The following TBC1D22B variants were observed in gnomAD, a reference collection of about 807,000 sequenced individuals.
TBC1D22B encodes chromosome 6 open reading frame 197.
A neutral mutation model predicts 69.1 loss-of-function variants in TBC1D22B; 32 were observed. That is an observed-to-expected ratio of 0.46 (90% CI 0.35 to 0.62). The LOEUF is 0.62. Ranked by LOEUF, TBC1D22B falls within the 20% of genes least tolerant of loss-of-function variation. The probability of loss-of-function intolerance (pLI) is 0.00; values close to 1 mark genes in which losing one functional copy is unlikely to be tolerated. For synonymous variants in TBC1D22B, 206 were observed against 229.8 expected (o/e 0.90, Z 0.94); for missense variants, 462 against 630.9 (o/e 0.73, Z 2.87).
At chr6:37,262,741 G>A (rs1271629431) in intron 1 of TBC1D22B, among the ~76,000 whole-genome samples, 2 of 152,210 alleles carry the variant, frequency 1.3e-5, no homozygotes, top group Non-Finnish European at 2.9e-5. Flanking sequence ...TGGAGTGAGT[G>A]TGTGAACCTA....
At chr6:37,314,925 C>T (rs867835755) in intron 10 of TBC1D22B, among the ~76,000 whole-genome samples, 15 of 152,106 alleles carry the variant, frequency 9.9e-5, no homozygotes, top group African/African-American at 2.9e-4. Flanking sequence ...AGTTACTTCC[C>T]GTATGTCACA....
intron 10 of TBC1D22B, among the ~76,000 whole-genome samples, chr6:37,316,301 T>G (rs1768076660): frequency 6.6e-6 from 1 of 152,240 alleles, no homozygotes; most frequent in Admixed American, 6.5e-5. Context: ...CTGGCGGGGA[T>G]GCTGAAGAGG....
At chr6:37,292,170 A>T (rs943581674) in intron 8 of TBC1D22B, among the ~76,000 whole-genome samples, 1 of 152,198 alleles carries the variant, frequency 6.6e-6, no homozygotes, top group Admixed American at 6.5e-5. Context: ...AAGTTGTGAG[A>T]TTCTCTGTCT....
chr6:37,301,756 A>C (rs1767578832), intron 8 of TBC1D22B, among the ~76,000 whole-genome samples: 1 of 152,176 alleles, frequency 6.6e-6, no homozygotes. Flanking sequence ...CTGGGCAATG[A>C]TGCTTCTCTT....
At chr6:37,267,383 TAATA>T (rs1562039563) in intron 1 of TBC1D22B, among the ~76,000 whole-genome samples, 1 of 34,840 alleles carries the variant, frequency 2.9e-5, no homozygotes, top group Non-Finnish European at 6.2e-5. Flanking sequence ...CACACATATA[TAATA>T]TATATATACA....
At chr6:37,327,859 G>A (rs1462122323) in intron 12 of TBC1D22B, among the ~76,000 whole-genome samples, 9 of 152,102 alleles carry the variant, frequency 5.9e-5, no homozygotes, top group African/African-American at 1.4e-4. Flanking sequence ...CCATCATGAC[G>A]GCTTTGAGTT....
chr6:37,295,546 C>A, intron 8 of TBC1D22B: 1 of 382,642 alleles, frequency 2.6e-6, no homozygotes, highest in Middle Eastern at 9.1e-4. Context: ...CTTCTGCTGG[C>A]ATGTCTTCTG....
At position 37,332,825 on chromosome 6, in the gene TBC1D22B, C is replaced by G. The variant is rs1198931125; in HGVS notation, c.*1653C>G. 2 of 152,634 alleles carry G rather than the reference C, an allele frequency of 1.3e-5. No individual in the cohort carries two copies. Among genetic ancestry groups the G allele is most frequent in the Non-Finnish European group, 2.9e-5 (2 of 68,044 alleles). The allele number at this position is 152,634 out of a possible 1,614,324, so 9.5% of individuals were successfully genotyped here. A position where few individuals can be genotyped will look rare whatever the true frequency, so the allele number is the denominator to read the frequency against. Reference sequence around the variant, plus strand: ...TGGTCTCCTTCATAGAGTGAGAGGGCTTGAGACCCTCCCTCAACCGGACTA... The same window carrying G: ...TGGTCTCCTTCATAGAGTGAGAGGGGTTGAGACCCTCCCTCAACCGGACTA... On this transcript the variant is annotated 3_prime_UTR_variant, in exon 13 of 13. Coordinates refer to ENST00000373491, the MANE Select transcript of TBC1D22B (RefSeq NM_017772.4).
chr6:37,304,756 G>A (rs930248832), intron 8 of TBC1D22B, among the ~76,000 whole-genome samples: 1 of 152,194 alleles, frequency 6.6e-6, no homozygotes, highest in Non-Finnish European at 1.5e-5. Flanking sequence ...GTGCACATAT[G>A]TGCAGTTTAC....
chr6:37,324,408 G>A (rs1482273671), intron 12 of TBC1D22B: 1 of 455,802 alleles, frequency 2.2e-6, no homozygotes, highest in East Asian at 7.0e-5. Context: ...TCTACAGCAG[G>A]TTCAAATCTC....
intron 1 of TBC1D22B, among the ~76,000 whole-genome samples, chr6:37,260,851 A>G (rs1424624164): frequency 6.6e-6 from 1 of 152,230 alleles, no homozygotes; most frequent in Non-Finnish European, 1.5e-5. Context: ...ATAATATTCC[A>G]TAGTATACAT....
chr6:37,295,592 A>G (rs1002178169), intron 8 of TBC1D22B: 7 of 439,036 alleles, frequency 1.6e-5, no homozygotes, highest in Non-Finnish European at 3.3e-5. Flanking sequence ...CATCCAAATA[A>G]TAAGAGAAAC....
In TBC1D22B at chr6:37,332,353, CCTCT is replaced by C. The variant is rs1768606842; in HGVS notation, c.*1184_*1187del. 1 of 152,532 alleles carries C rather than the reference CCTCT, an allele frequency of 6.6e-6. No homozygotes were observed. The highest frequency in any genetic ancestry group is 6.5e-5 in the Admixed American group (1 of 15,268). 9.4% of individuals were successfully genotyped at this position (152,532 alleles called of 1,614,324 possible). A position where few individuals can be genotyped will look rare whatever the true frequency, so the allele number is the denominator to read the frequency against. On this transcript the variant is annotated 3_prime_UTR_variant, in exon 13 of 13. Transcript: ENST00000373491. Reference sequence around the variant, plus strand: ...GAAGGGACTGCAGAGGCGGGCAAGCCCTCTCTATGTGTTTTTATCCCCACCTTCC... The same window carrying C: ...GAAGGGACTGCAGAGGCGGGCAAGCCCTATGTGTTTTTATCCCCACCTTCC...
At chr6:37,294,156 A>G (rs950690105) in intron 8 of TBC1D22B, among the ~76,000 whole-genome samples, 1 of 152,212 alleles carries the variant, frequency 6.6e-6, no homozygotes, top group African/African-American at 2.4e-5. Context: ...AATATAGACA[A>G]AACAGTCTTC....
chr6:37,316,622 T>C, intron 10 of TBC1D22B, 81 bp from the exon 11 acceptor site: 2 of 1,552,694 alleles, frequency 1.3e-6, no homozygotes, highest in Non-Finnish European at 1.8e-6. Context: ...CAGTAAGAAG[T>C]GGGAGCTGCT....
intron 8 of TBC1D22B, among the ~76,000 whole-genome samples, chr6:37,301,276 T>G (rs541659931): frequency 2.1e-4 from 32 of 152,330 alleles, no homozygotes; most frequent in African/African-American, 6.5e-4. Flanking sequence ...GACAATTTAC[T>G]CATTTAAAGG....
intron 8 of TBC1D22B, among the ~76,000 whole-genome samples, chr6:37,311,393 C>G (rs536286129): frequency 8.5e-5 from 13 of 152,118 alleles, no homozygotes; most frequent in South Asian, 4.1e-4. Context: ...AGGCTGGGGT[C>G]AGGTGCAGTG....
rs569955971 is a variant in TBC1D22B at position 37,290,072 on chromosome 6, G to A, written c.868-1171G>A. Among the ~76,000 whole-genome samples the A allele has an allele frequency of 1.1e-4, 17 of 152,298 alleles. No individual in the cohort carries two copies. The South Asian group carries it at 3.3e-3, about 30-fold the overall frequency. Reference sequence around the variant, plus strand: ...AGAGAGGCTGGGAAGCATCCTTTATGTCTCTAGATTCTCTGTGTCCCTCCT... The same window carrying A: ...AGAGAGGCTGGGAAGCATCCTTTATATCTCTAGATTCTCTGTGTCCCTCCT... On this transcript the variant is annotated intron_variant, in intron 7 of 12. Transcript: ENST00000373491.
At chr6:37,288,161 T>G (rs1215534966) in intron 7 of TBC1D22B, among the ~76,000 whole-genome samples, 1 of 152,354 alleles carries the variant, frequency 6.6e-6, no homozygotes, top group African/African-American at 2.4e-5. Flanking sequence ...TGTTTAAATA[T>G]AGATGTCTCC....
Sources: gnomAD v4.1 joint callset for allele counts (sites outside exome capture counted in the v4.1 genomes callset) on GRCh38, gnomAD v4.1.1 for gene constraint, MANE v1.5 for transcripts, NCBI Gene and HGNC (gene_info 2026-07-23, HGNC 2026-07-21) for gene names.